UNC80: variants seen among roughly 807,000 people sequenced by gnomAD.
The protein encoded by UNC80 is unc-80 subunit of NALCN channel complex, also known as protein unc-80 homolog.
Under a neutral mutation model 384.6 loss-of-function variants are expected in UNC80, and 164 were observed. The ratio of observed to expected loss-of-function variants is 0.43; its 90% CI spans 0.38 to 0.49. UNC80 has a LOEUF of 0.49. Ranked by LOEUF, UNC80 falls within the 20% of genes least tolerant of loss-of-function variation. The pLI, the probability that UNC80 is intolerant of heterozygous loss-of-function variation, is 0.00. For synonymous variants in UNC80, 1,486 were observed against 1,527.8 expected (o/e 0.97, Z 0.64); for missense variants, 3,330 against 4,143.0 (o/e 0.80, Z 5.39).
At chr2:209,841,257 A>G (rs1179074216) in intron 20 of UNC80, among the ~76,000 whole-genome samples, 3 of 152,218 alleles carry the variant, frequency 2.0e-5, no homozygotes, top group Middle Eastern at 3.4e-3. Context: ...TATGTGTACA[A>G]ATTATTTGCT....
chr2:209,960,247 T>A (rs2092547935), intron 51 of UNC80, among the ~76,000 whole-genome samples: 1 of 152,212 alleles, frequency 6.6e-6, no homozygotes, highest in South Asian at 2.1e-4. Context: ...TGTGTCCTGG[T>A]AAAAATTCTG....
At position 209,921,637 on chromosome 2, in the gene UNC80, G is replaced by A. The variant is rs1437924864; in HGVS notation, c.5481G>A (p.Glu1827=). ...TCACTGCCATCCCCATCACCCAGGA[G>A]GCTTGCTATGAGCCCACATGCACGC... The part of the protein sequence containing the change: ...SLITAIPITQ[E]ACYEPTCTPN... Residue 1827 remains glutamate (E), a synonymous_variant, in exon 34 of 65, where the codon GAG becomes GAA. Coordinates refer to ENST00000673920, the MANE Select transcript of UNC80 (RefSeq NM_001371986.1). 1 of 1,551,510 alleles carries A rather than the reference G, an allele frequency of 6.4e-7. No homozygotes were observed. The highest frequency in any genetic ancestry group is 8.7e-7 in the Non-Finnish European group (1 of 1,146,976).
At chr2:209,867,656 G>A (rs2083949518) in intron 22 of UNC80, among the ~76,000 whole-genome samples, 1 of 151,810 alleles carries the variant, frequency 6.6e-6, no homozygotes, top group Admixed American at 6.6e-5. Context: ...CCTGACCACC[G>A]ACCCACTTGT....
At chr2:209,812,295 C>T (rs13422135) in intron 7 of UNC80, among the ~76,000 whole-genome samples, 1,915 of 151,828 alleles carry the variant, frequency 0.013, 43 homozygotes, top group African/African-American at 0.044. Flanking sequence ...CTCCTGACCC[C>T]GTGATCCGTC....
chr2:209,809,970 G>A (rs2079212013), intron 7 of UNC80, among the ~76,000 whole-genome samples: 1 of 152,142 alleles, frequency 6.6e-6, no homozygotes, highest in African/African-American at 2.4e-5. Context: ...ACCCCAGTCA[G>A]GGGACCCTCC....
At chr2:209,778,095 C>T (rs2076963832) in intron 4 of UNC80, among the ~76,000 whole-genome samples, 1 of 152,182 alleles carries the variant, frequency 6.6e-6, no homozygotes, top group South Asian at 2.1e-4. Context: ...GTAACTACCT[C>T]TCTTATAATA....
intron 23 of UNC80, among the ~76,000 whole-genome samples, chr2:209,873,981 G>A (rs542006635): frequency 0.18 from 26,612 of 151,796 alleles, 3,205 homozygotes; most frequent in African/African-American, 0.34. Flanking sequence ...GTATGTATGT[G>A]TGTGTGTGTG....
At chr2:209,886,125 T>A (rs1574889276) in intron 25 of UNC80, among the ~76,000 whole-genome samples, 1 of 152,150 alleles carries the variant, frequency 6.6e-6, no homozygotes, top group East Asian at 1.9e-4. Flanking sequence ...GCAAACTTTT[T>A]AAAAATCTTT....
At chr2:209,975,712 A>G (rs2092994969) in intron 56 of UNC80, among the ~76,000 whole-genome samples, 1 of 152,178 alleles carries the variant, frequency 6.6e-6, no homozygotes. Flanking sequence ...GATTTTTAAG[A>G]TCCATGTTTT....
intron 21 of UNC80, among the ~76,000 whole-genome samples, chr2:209,843,469 C>T (rs143397640): frequency 0.013 from 2,039 of 152,086 alleles, 50 homozygotes; most frequent in African/African-American, 0.045. Context: ...GTAGTTAAGT[C>T]ACTCCCCCAG....
At chr2:209,922,148 C>T in intron 34 of UNC80, 104 bp from the exon 35 acceptor site, 9 of 1,289,266 alleles carry the variant, frequency 7.0e-6, no homozygotes, top group Middle Eastern at 1.9e-4. Context: ...TTATTTAAGC[C>T]TTATGGTCTG....
At chr2:209,927,492 AAACCCC>A (rs989491784) in intron 36 of UNC80, among the ~76,000 whole-genome samples, 3 of 152,244 alleles carry the variant, frequency 2.0e-5, no homozygotes, top group African/African-American at 7.2e-5. Context: ...TAATTTTTTA[AAACCCC>A]ATTAGAAAAC....
chr2:209,948,836 T>C (rs896020623), intron 47 of UNC80, among the ~76,000 whole-genome samples: 4 of 152,172 alleles, frequency 2.6e-5, no homozygotes, highest in Admixed American at 2.0e-4. Context: ...GAAGTAATTT[T>C]ATTACTCATT....
chr2:209,936,815 T>G, intron 40 of UNC80, 29 bp from the exon 41 acceptor site: 1 of 1,443,862 alleles, frequency 6.9e-7, no homozygotes, highest in Non-Finnish European at 9.5e-7. Flanking sequence ...CTGATAAACA[T>G]TTATTAAAAT....
In UNC80 at chr2:209,992,202, C is replaced by A. The variant is rs1332853851; in HGVS notation, c.9351C>A (p.Asn3117Lys). The stretch of plus-strand genomic sequence containing the variant: ...TACAGAGTGAACCTGGTCAACAGAA[C>A]CTCCTTGTTCAGCAGCCGCTGGGGA... ...ASIQSEPGQQ[N>K]LLVQQPLGRK... is the part of the protein sequence containing the mutation. The change falls in exon 62 of 65, where the codon AAC becomes AAA. Residue 3117 changes from asparagine to lysine, a missense_variant. By Grantham distance (94) the Asn-to-Lys change is moderately conservative. Coordinates refer to ENST00000673920, the MANE Select transcript of UNC80 (RefSeq NM_001371986.1). 6.4e-7 allele frequency: 1 copy of A among 1,551,630 alleles called. No homozygotes were observed. The highest frequency in any genetic ancestry group is 8.7e-7 in the Non-Finnish European group (1 of 1,146,950).
intron 20 of UNC80, 58 bp from the exon 21 acceptor site, chr2:209,842,292 C>A (rs1001383043): frequency 5.6e-5 from 73 of 1,305,624 alleles, no homozygotes; most frequent in Non-Finnish European, 7.6e-5. Flanking sequence ...TTGATCTAAC[C>A]ACAAAGATTT....
At chr2:209,933,079 G>A (rs1358769960) in intron 38 of UNC80, among the ~76,000 whole-genome samples, 3 of 152,090 alleles carry the variant, frequency 2.0e-5, no homozygotes, top group Non-Finnish European at 4.4e-5. Context: ...CTGAATATTT[G>A]CACATTATTG....
intron 21 of UNC80, among the ~76,000 whole-genome samples, chr2:209,842,857 C>A (rs913605959): frequency 5.9e-5 from 9 of 152,202 alleles, no homozygotes; most frequent in Non-Finnish European, 1.3e-4. Flanking sequence ...CTTTACAAAG[C>A]AACCTGTTCT....
chr2:209,878,116 A>C, intron 24 of UNC80, 27 bp downstream of exon 24: 1 of 1,496,978 alleles, frequency 6.7e-7, no homozygotes, highest in Non-Finnish European at 8.9e-7. Flanking sequence ...TACTACAAGA[A>C]CCCCTGCTTG....
Sources: gnomAD v4.1 joint callset for allele counts (sites outside exome capture counted in the v4.1 genomes callset) on GRCh38, gnomAD v4.1.1 for gene constraint, MANE v1.5 for transcripts, NCBI Gene and HGNC (gene_info 2026-07-23, HGNC 2026-07-21) for gene names.